SLITRK3: variants seen among roughly 807,000 people sequenced by gnomAD.
The protein encoded by SLITRK3 is SLIT and NTRK-like protein 3.
Under a neutral mutation model 63.6 loss-of-function variants are expected in SLITRK3, and 16 were observed. The ratio of observed to expected loss-of-function variants is 0.25; its 90% CI spans 0.17 to 0.38. SLITRK3 has a LOEUF of 0.38. Among genes scored for constraint, SLITRK3 ranks in the 10% least tolerant of loss-of-function variants. The pLI, the probability that SLITRK3 is intolerant of heterozygous loss-of-function variation, is 1.00. For synonymous variants in SLITRK3, 547 were observed against 451.6 expected (o/e 1.21, Z -2.68); for missense variants, 1,117 against 1,181.4 (o/e 0.95, Z 0.80).
At chr3:165,192,474 G>A (rs59585086) in intron 1 of SLITRK3, among the ~76,000 whole-genome samples, 1 of 151,852 alleles carries the variant, frequency 6.6e-6, no homozygotes, top group Non-Finnish European at 1.5e-5. Flanking sequence ...GGCAAAAAAG[G>A]CTACAGATGT....
rs757687014 is a variant in SLITRK3, at chr3:165,188,225, A to T, written c.2606T>A (p.Val869Glu). The T allele has an allele frequency of 2.5e-5, 41 of 1,612,526 alleles. No homozygotes were observed. Among genetic ancestry groups the T allele is most frequent in the Non-Finnish European group, 3.4e-5 (40 of 1,179,638 alleles). ...GFRHHEKNGG[V>E]VLFPPGGGCG... ...GCCTCCCCCAGGAGGAAACAGCACC[A>T]CCCCACCATTTTTCTCATGGTGGCG... Residue 869 changes from valine to glutamate, a missense_variant, in exon 2 of 2, where the codon GTG becomes GAG. This residue lies in a region of SLITRK3 where 499 missense variants were observed against 463.6 expected (regional missense o/e 1.08). Transcript: ENST00000475390.
At position 165,190,329 on chromosome 3, in the gene SLITRK3, C is replaced by A. The variant is rs753290427; in HGVS notation, c.502G>T (p.Ala168Ser). 2 of 1,614,136 alleles carry A rather than the reference C, an allele frequency of 1.2e-6. No homozygotes were observed. Among genetic ancestry groups the A allele is most frequent in the South Asian group, 1.1e-5 (1 of 91,074 alleles). The change falls in exon 2 of 2, where the codon GCA becomes TCA. Residue 168 changes from alanine (A) to serine (S), a missense_variant. Coordinates refer to ENST00000475390, the MANE Select transcript of SLITRK3 (RefSeq NM_001318810.2). ...CTCAATTTACTTAGGTTCCGAAATG[C>A]CCCACTCTCAATACGTTTAATGACA... ...YNVIKRIESG[A>S]FRNLSKLRVL...
At chr3:165,191,031 G>A (rs1277132561) in intron 1 of SLITRK3, among the ~76,000 whole-genome samples, 180 bp from the exon 2 acceptor site, 1 of 152,128 alleles carries the variant, frequency 6.6e-6, no homozygotes, top group Non-Finnish European at 1.5e-5. Context: ...TTAAACTTAG[G>A]AGACTCTGAA....
At chr3:165,193,717 C>G (rs376576430) in intron 1 of SLITRK3, among the ~76,000 whole-genome samples, 1 of 152,076 alleles carries the variant, frequency 6.6e-6, no homozygotes, top group South Asian at 2.1e-4. Flanking sequence ...GAGATACAGA[C>G]CACTTGGGTA....
intron 1 of SLITRK3, among the ~76,000 whole-genome samples, chr3:165,192,562 G>C (rs1489742724): frequency 1.3e-5 from 2 of 149,710 alleles, no homozygotes; most frequent in African/African-American, 4.9e-5. Flanking sequence ...TATTAGCATG[G>C]AACCGTGAAA....
rs774027710 is a variant in SLITRK3, at chr3:165,190,407, T to G, written c.424A>C (p.Asn142His). 5.6e-6 allele frequency: 9 copies of G among 1,613,952 alleles called. No homozygotes were observed. Among genetic ancestry groups the G allele is most frequent in the South Asian group, 3.3e-5 (3 of 91,084 alleles). Residue 142 changes from asparagine (N) to histidine (H), a missense_variant, in exon 2 of 2, where the codon AAT becomes CAT. Physicochemically the swap from Asn to His is moderately conservative, Grantham distance 68. Coordinates refer to ENST00000475390, the MANE Select transcript of SLITRK3 (RefSeq NM_001318810.2). ...LHENKLDVFR[N>H]DTFLGLESLE... ...CTTTCCAAGCCAAGGAAGGTGTCAT[T>G]TCTGAAGACATCTAGTTTGTTTTCA... is the stretch of plus-strand genomic sequence containing the variant.
intron 1 of SLITRK3, among the ~76,000 whole-genome samples, chr3:165,191,434 A>G (rs1718223454): frequency 6.6e-6 from 1 of 152,210 alleles, no homozygotes; most frequent in Admixed American, 6.5e-5. Context: ...ATCTCAGGAA[A>G]ACTTAAGATT....
Position 165,190,966 on chromosome 3 carries a change from G to A in SLITRK3, c.-21-115C>T, listed in dbSNP as rs2311800. The A allele has an allele frequency of 7.4e-3, 5,153 of 694,784 alleles. 274 individuals are homozygous for A. The Admixed American group carries it at 0.11, about 14-fold the overall frequency. The allele number at this position is 694,784 out of a possible 1,614,324, so 43.0% of individuals were successfully genotyped here. On this transcript the variant is annotated intron_variant, in intron 1 of 1. Coordinates refer to ENST00000475390, the MANE Select transcript of SLITRK3 (RefSeq NM_001318810.2). ...TATAAAAACTTCAGCAATTGTTGAA[G>A]TGACACTCAAGATGAGCTAGCAACA... is the stretch of plus-strand genomic sequence containing the variant.
Position 165,188,404 on chromosome 3 carries a change from C to T in SLITRK3, c.2427G>A (p.Arg809=), listed in dbSNP as rs372918557. 2.2e-5 allele frequency: 35 copies of T among 1,613,828 alleles called. No individual in the cohort carries two copies. Among genetic ancestry groups the T allele is most frequent in the Non-Finnish European group, 2.7e-5 (32 of 1,180,002 alleles). Residue 809 remains arginine (R), a synonymous_variant, in exon 2 of 2, where the codon CGG becomes CGA. Transcript: ENST00000475390. ...ETPKENHSNY[R]TLLEKEKEWA... Reference sequence around the variant, plus strand: ...ACTCCTTCTCTTTTTCCAGCAAGGTCCGGTAGTTACTATGGTTCTCCTTGG... The same window carrying T: ...ACTCCTTCTCTTTTTCCAGCAAGGTTCGGTAGTTACTATGGTTCTCCTTGG...
intron 1 of SLITRK3, among the ~76,000 whole-genome samples, chr3:165,191,302 T>A (rs1217392276): frequency 6.6e-6 from 1 of 152,232 alleles, no homozygotes; most frequent in Non-Finnish European, 1.5e-5. Flanking sequence ...ATATGTTCTT[T>A]GAGTTATAGG....
intron 1 of SLITRK3, among the ~76,000 whole-genome samples, chr3:165,192,834 TGCCCC>T (rs1718283526): frequency 6.6e-6 from 1 of 152,096 alleles, no homozygotes; most frequent in African/African-American, 2.4e-5. Flanking sequence ...CCAGCTCTGC[TGCCCC>T]TGCCGCTGCC....
At chr3:165,193,481 C>T (rs1248443006) in intron 1 of SLITRK3, among the ~76,000 whole-genome samples, 1 of 150,932 alleles carries the variant, frequency 6.6e-6, no homozygotes, top group Admixed American at 6.6e-5. Flanking sequence ...ATCCAGGTCC[C>T]CAAAGCAGAA....
At chr3:165,194,467 A>G (rs1471103138) in intron 1 of SLITRK3, among the ~76,000 whole-genome samples, 1 of 152,150 alleles carries the variant, frequency 6.6e-6, no homozygotes, top group Non-Finnish European at 1.5e-5. Flanking sequence ...AGTAAGCAGG[A>G]GGGCAGAATT....
rs757795027 is a variant in SLITRK3 at position 165,189,142 on chromosome 3, A to C, written c.1689T>G (p.Pro563=). The change falls in exon 2 of 2, where the codon CCT becomes CCG. Residue 563 remains proline, a synonymous_variant. Transcript: ENST00000475390. This position sits in a 1 kb window ranked among gnomAD's most constrained non-coding sequence, Gnocchi z 4.0. ...AIVQIDLNEN[P]WDCTCDLVPF... Reference sequence around the variant, plus strand: ...GGACCAGGTCACAGGTGCAGTCCCAAGGATTCTCATTGAGGTCTATCTGGA... The same window carrying C: ...GGACCAGGTCACAGGTGCAGTCCCACGGATTCTCATTGAGGTCTATCTGGA... 2 of 1,614,184 alleles carry C rather than the reference A, an allele frequency of 1.2e-6. No homozygotes were observed. Among genetic ancestry groups the C allele is most frequent in the Non-Finnish European group, 1.7e-6 (2 of 1,180,030 alleles).
At position 165,188,732 on chromosome 3, in the gene SLITRK3, C is replaced by A; in HGVS notation, c.2099G>T (p.Gly700Val). The change falls in exon 2 of 2, where the codon GGC becomes GTC. Residue 700 changes from glycine (G) to valine (V), a missense_variant. This residue lies in a region of SLITRK3 where 499 missense variants were observed against 463.6 expected (regional missense o/e 1.08). Coordinates refer to ENST00000475390, the MANE Select transcript of SLITRK3 (RefSeq NM_001318810.2). ...CAGCCTGTGGCATTGCATTTGGATGCCAGTAAGGTCCACACCTTCCTGCCG... is the reference window on the plus strand; with the variant it reads ...CAGCCTGTGGCATTGCATTTGGATGACAGTAAGGTCCACACCTTCCTGCCG... ...SKRQEGVDLT[G>V]IQMQCHRLFE... 6.2e-7 allele frequency: 1 copy of A among 1,614,158 alleles called. No individual in the cohort carries two copies. Among genetic ancestry groups the A allele is most frequent in the Non-Finnish European group, 8.5e-7 (1 of 1,180,036 alleles).
In SLITRK3 at chr3:165,187,979, C is replaced by T. The variant is rs776576632; in HGVS notation, c.2852G>A (p.Ser951Asn). ...KGFTDHQTQK[S>N]DYLELRAKLQ... ...TTTGGCCCTTAACTCGAGGTAATCA[C>T]TTTTTTGGGTTTGGTGGTCTGTGAA... is the stretch of plus-strand genomic sequence containing the variant. The change falls in exon 2 of 2, where the codon AGT becomes AAT. Residue 951 changes from serine to asparagine, a missense_variant. Around this residue, in one of 4 missense-constraint regions of SLITRK3, gnomAD observed 499 missense variants for 463.6 expected, o/e 1.08. Coordinates refer to ENST00000475390, the MANE Select transcript of SLITRK3 (RefSeq NM_001318810.2). 10 of 1,613,814 alleles carry T rather than the reference C, an allele frequency of 6.2e-6. No individual in the cohort carries two copies. Among genetic ancestry groups the T allele is most frequent in the African/African-American group, 2.7e-5 (2 of 74,832 alleles).
At chr3:165,196,963 G>GCTCTCGCTCTCGCTCTCTCT, upstream of SLITRK3, 3 of 67,760 alleles carry the variant, frequency 4.4e-5, no homozygotes, top group South Asian at 1.7e-3. Flanking sequence ...TCTCTCTCTC[G>GCTCTCGCTCTCGCTCTCTCT]CTCTCGCTCT....
At chr3:165,191,174 C>T (rs1718212554) in intron 1 of SLITRK3, among the ~76,000 whole-genome samples, 1 of 152,198 alleles carries the variant, frequency 6.6e-6, no homozygotes, top group South Asian at 2.1e-4. Context: ...TCCTTTTAGG[C>T]ATAGGCAGAT....
rs747001435 is a variant in SLITRK3, at chr3:165,188,428, G to A, written c.2403C>T (p.Pro801=). Residue 801 remains proline (P), a synonymous_variant, in exon 2 of 2, where the codon CCC becomes CCT. Transcript: ENST00000475390. ...TCCGGTAGTTACTATGGTTCTCCTT[G>A]GGTGTCTCAGCAAACTGCTCACTTC... ...LLGSEQFAET[P]KENHSNYRTL... is the part of the protein sequence containing the mutation. 3.1e-6 allele frequency: 5 copies of A among 1,613,820 alleles called. No homozygotes were observed. The highest frequency in any genetic ancestry group is 4.2e-6 in the Non-Finnish European group (5 of 1,179,952).
Sources: gnomAD v4.1 joint callset for allele counts (sites outside exome capture counted in the v4.1 genomes callset) on GRCh38, gnomAD v4.1.1 for gene constraint, gnomAD v4.1.1 regional missense constraint, Gnocchi (gnomAD v3.1) non-coding constraint, MANE v1.5 for transcripts, NCBI Gene and HGNC (gene_info 2026-07-23, HGNC 2026-07-21) for gene names.